The following USP34 variants were observed in gnomAD, a reference collection of about 807,000 sequenced individuals.
USP34 encodes ubiquitin carboxyl-terminal hydrolase 34.
USP34 carries 70 observed loss-of-function variants against 460.3 expected under a neutral mutation model. The ratio of observed to expected loss-of-function variants is 0.15; its 90% CI spans 0.13 to 0.19. USP34 has a LOEUF of 0.19. USP34 is among the 10% of genes least tolerant of loss of function. The pLI, the probability that USP34 is intolerant of heterozygous loss-of-function variation, is 1.00. For synonymous variants in USP34, 1,647 were observed against 1,405.3 expected (o/e 1.17, Z -3.85); for missense variants, 3,985 against 4,236.2 (o/e 0.94, Z 1.65).
intron 1 of USP34, among the ~76,000 whole-genome samples, chr2:61,434,057 A>G (rs1169047278): frequency 1.3e-5 from 2 of 152,172 alleles, no homozygotes; most frequent in Non-Finnish European, 2.9e-5. Context: ...CCAAGCCACT[A>G]TAAGCTCTCT....
intron 1 of USP34, among the ~76,000 whole-genome samples, chr2:61,436,445 G>C (rs1694814026): frequency 6.6e-6 from 1 of 152,282 alleles, no homozygotes; most frequent in Admixed American, 6.5e-5. Flanking sequence ...CAAGCCAAAA[G>C]TTGTAAAAGG....
intron 13 of USP34, 124 bp downstream of exon 13, chr2:61,349,126 T>C (rs1319379578): frequency 8.1e-7 from 1 of 1,231,446 alleles, no homozygotes; most frequent in Non-Finnish European, 1.1e-6. Context: ...GTTAAAGGTT[T>C]ACATCTCCTC....
intron 20 of USP34, among the ~76,000 whole-genome samples, chr2:61,328,982 T>C (rs887847732): frequency 6.6e-6 from 1 of 152,092 alleles, no homozygotes; most frequent in Non-Finnish European, 1.5e-5. Context: ...ATGTGGGCCA[T>C]GTGTGGTTTT....
At chr2:61,367,995 GA>G (rs543392953) in intron 10 of USP34, among the ~76,000 whole-genome samples, 10 of 152,044 alleles carry the variant, frequency 6.6e-5, no homozygotes, top group African/African-American at 2.4e-4. Context: ...TAAAAATAAA[GA>G]AAAAAATTAG....
At chr2:61,443,190 T>A (rs959821927) in intron 1 of USP34, among the ~76,000 whole-genome samples, 4 of 152,098 alleles carry the variant, frequency 2.6e-5, no homozygotes, top group African/African-American at 9.7e-5. Flanking sequence ...AAATTACAGC[T>A]AGATAGGAGG....
chr2:61,462,246 A>G (rs1409379653), intron 1 of USP34, among the ~76,000 whole-genome samples: 3 of 143,864 alleles, frequency 2.1e-5, no homozygotes, highest in South Asian at 2.2e-4. Flanking sequence ...TCTCAGGGGG[A>G]AAAAAAAAAA....
chr2:61,418,696 G>C (rs1014924033), intron 2 of USP34, among the ~76,000 whole-genome samples: 19 of 152,160 alleles, frequency 1.2e-4, no homozygotes, highest in African/African-American at 4.6e-4. Flanking sequence ...AAATAATTTA[G>C]GGGAGGAAGA....
At position 61,470,802 on chromosome 2, in the gene USP34, G is replaced by A; in HGVS notation, c.-110C>T. 2.3e-6 allele frequency: 2 copies of A among 862,908 alleles called. No homozygotes were observed. Among genetic ancestry groups the A allele is most frequent in the South Asian group, 1.6e-5 (1 of 63,156 alleles). 53.5% of individuals were successfully genotyped at this position (862,908 alleles called of 1,614,324 possible). On this transcript the variant is annotated 5_prime_UTR_variant, in exon 1 of 80. Coordinates refer to ENST00000398571, the MANE Select transcript of USP34 (RefSeq NM_014709.4). ...GAGGGGGCCGGCCGGCCGGCGGGGC[G>A]GGGAGGCGACTAGGGCGGGCGGCGG...
At chr2:61,458,781 A>G (rs572807320) in intron 1 of USP34, among the ~76,000 whole-genome samples, 1 of 152,064 alleles carries the variant, frequency 6.6e-6, no homozygotes, top group Non-Finnish European at 1.5e-5. Context: ...CTTCCTTAAA[A>G]TCTTGGCGGG....
chr2:61,388,324 A>G (rs1693231918), intron 5 of USP34, among the ~76,000 whole-genome samples: 1 of 152,046 alleles, frequency 6.6e-6, no homozygotes, highest in Admixed American at 6.6e-5. Flanking sequence ...CTTGGCAAGG[A>G]TATGCAACTA....
At chr2:61,403,553 ATATATTT>A (rs1422649712) in intron 3 of USP34, among the ~76,000 whole-genome samples, 1 of 152,146 alleles carries the variant, frequency 6.6e-6, no homozygotes, top group Non-Finnish European at 1.5e-5. Flanking sequence ...AGAATATTTA[ATATATTT>A]TATATCATGT....
intron 1 of USP34, among the ~76,000 whole-genome samples, chr2:61,453,157 T>TC (rs1695334564): frequency 6.6e-6 from 1 of 152,106 alleles, no homozygotes. Context: ...ATGCCTATAA[T>TC]CCCAGCACTT....
At chr2:61,252,429 A>G (rs774269254) in intron 48 of USP34, among the ~76,000 whole-genome samples, 8 of 152,330 alleles carry the variant, frequency 5.3e-5, no homozygotes, top group Non-Finnish European at 8.8e-5. Context: ...CAGAAAATCA[A>G]CTGGTCACCT....
At chr2:61,214,760 T>G in intron 67 of USP34, 66 bp from the exon 68 acceptor site, 1 of 1,528,848 alleles carries the variant, frequency 6.5e-7, no homozygotes, top group Non-Finnish European at 8.8e-7. Flanking sequence ...CAGCAGTCAT[T>G]AATCACAAAG....
chr2:61,439,609 T>C (rs1277547998), intron 1 of USP34, among the ~76,000 whole-genome samples: 1 of 152,118 alleles, frequency 6.6e-6, no homozygotes, highest in Admixed American at 6.6e-5. Context: ...GGTTAGGATA[T>C]CTGACGGGGA....
chr2:61,361,493 C>T (rs1419604284), intron 10 of USP34, among the ~76,000 whole-genome samples: 1 of 152,114 alleles, frequency 6.6e-6, no homozygotes, highest in Admixed American at 6.5e-5. Context: ...ATAAAAACCC[C>T]AGAAACAAAT....
At chr2:61,206,491 G>A (rs1176832949) in intron 71 of USP34, among the ~76,000 whole-genome samples, 2 of 152,140 alleles carry the variant, frequency 1.3e-5, no homozygotes, top group African/African-American at 2.4e-5. Flanking sequence ...AAAGTGCCCA[G>A]CTTGTTACTG....
rs575820965 is a variant in USP34, at chr2:61,434,058, T to C, written c.44-13225A>G. 2.6e-5 allele frequency among the ~76,000 whole-genome samples: 4 copies of C among 152,236 alleles called. No individual in the cohort carries two copies. The South Asian group carries it at 8.3e-4, about 32-fold the overall frequency. On this transcript the variant is annotated intron_variant, in intron 1 of 79. Transcript: ENST00000398571. ...TGCCCATAAGCCAACCAAGCCACTA[T>C]AAGCTCTCTCCAAAGTAGTGGAGGC...
Position 61,188,748 on chromosome 2 carries a change from G to A in USP34, c.10034-39C>T, listed in dbSNP as rs202199016. On this transcript the variant is annotated intron_variant, in intron 79 of 79. Transcript: ENST00000398571. ...TGCCAAAAGGGAAACTTCTCTGAAAGTCATTAAGATCACGTTAGGGGGGGA... is the reference window on the plus strand; with the variant it reads ...TGCCAAAAGGGAAACTTCTCTGAAAATCATTAAGATCACGTTAGGGGGGGA... The A allele has an allele frequency of 2.6e-5, 42 of 1,597,558 alleles. No individual in the cohort carries two copies. In the Admixed American group the frequency reaches 2.6e-4, roughly 10 times the overall value.
Sources: allele counts gnomAD v4.1 joint callset (sites outside exome capture counted in the v4.1 genomes callset), GRCh38; gene constraint gnomAD v4.1.1; transcripts MANE v1.5; gene names NCBI Gene and HGNC (gene_info 2026-07-23, HGNC 2026-07-21).